GATA4: variants seen among roughly 807,000 people sequenced by gnomAD.
GATA4 encodes the protein GATA binding protein 4.
GATA4 carries 7 observed loss-of-function variants against 37.9 expected under a neutral mutation model. The observed-to-expected ratio is 0.18, with a 90% CI of 0.11 to 0.35. The LOEUF (loss-of-function observed/expected upper bound fraction) is 0.35, where lower values mean the gene tolerates loss of function less well. GATA4 is among the 10% of genes least tolerant of loss of function. The probability of loss-of-function intolerance (pLI) is 1.00; values close to 1 mark genes in which losing one functional copy is unlikely to be tolerated. For synonymous variants in GATA4, 372 were observed against 292.6 expected (o/e 1.27, Z -2.77); for missense variants, 647 against 653.0 (o/e 0.99, Z 0.10).
chr8:11,687,859 C>G (rs1470010759), upstream of GATA4, among the ~76,000 whole-genome samples: 2 of 152,150 alleles, frequency 1.3e-5, no homozygotes, highest in Non-Finnish European at 2.9e-5. Flanking sequence ...TGATCAAGCC[C>G]TGCCCCCGTT....
intron 1 of GATA4, among the ~76,000 whole-genome samples, chr8:11,681,777 T>C (rs1280629708): frequency 1.3e-5 from 2 of 152,166 alleles, no homozygotes; most frequent in Non-Finnish European, 2.9e-5. Context: ...CAGCATTCGT[T>C]CTTCTTTTCT....
At position 11,708,426 on chromosome 8, in the gene GATA4, C is replaced by T; in HGVS notation, c.114C>T (p.Tyr38=). 6.5e-7 allele frequency: 1 copy of T among 1,536,078 alleles called. No individual in the cohort carries two copies. The highest frequency in any genetic ancestry group is 8.7e-7 in the Non-Finnish European group (1 of 1,147,360). Residue 38 remains tyrosine (Y), a synonymous_variant, in exon 2 of 7, where the codon TAC becomes TAT. Coordinates refer to ENST00000532059, the MANE Select transcript of GATA4 (RefSeq NM_001308093.3). This position sits in a 1 kb window ranked among gnomAD's most constrained non-coding sequence, Gnocchi z 6.7. The part of the protein sequence containing the change: ...HGAGAASSPV[Y]VPTPRVPSSV... ...CGGGCGCCGCGTCCTCGCCAGTCTA[C>T]GTGCCCACACCGCGGGTGCCCTCCT...
intron 1 of GATA4, among the ~76,000 whole-genome samples, chr8:11,677,641 G>A (rs1386846113): frequency 1.2e-4 from 19 of 152,202 alleles, no homozygotes; most frequent in Non-Finnish European, 2.2e-4. Flanking sequence ...GGGTCAGAAA[G>A]TCTGTGCTGT....
intron 1 of GATA4, chr8:11,681,145 C>T (rs1266422251): frequency 8.1e-6 from 8 of 985,282 alleles, no homozygotes; most frequent in Non-Finnish European, 9.6e-6. Context: ...CAGGGAATCT[C>T]CAGCTCCGTT....
At chr8:11,724,797 C>G (rs1485754303) in intron 2 of GATA4, among the ~76,000 whole-genome samples, 1 of 152,232 alleles carries the variant, frequency 6.6e-6, no homozygotes, top group Non-Finnish European at 1.5e-5. Flanking sequence ...GATCAGAGGC[C>G]TAACCCAGCC....
At chr8:11,720,148 T>C (rs1158054978) in intron 2 of GATA4, among the ~76,000 whole-genome samples, 1 of 151,636 alleles carries the variant, frequency 6.6e-6, no homozygotes, top group Non-Finnish European at 1.5e-5. Flanking sequence ...CTCTCTCTGC[T>C]TGTGTGGCCA....
At chr8:11,680,565 G>T (rs868595915) in intron 1 of GATA4, 3 of 985,240 alleles carry the variant, frequency 3.0e-6, no homozygotes, top group African/African-American at 1.7e-5. Flanking sequence ...CACGCTGGTG[G>T]GCCAGGAAGC....
chr8:11,687,493 G>T (rs566648926), intron 1 of GATA4, among the ~76,000 whole-genome samples: 1 of 152,184 alleles, frequency 6.6e-6, no homozygotes, highest in South Asian at 2.1e-4. Context: ...TCATCTGTGA[G>T]TTGGGGGCAA....
upstream of GATA4, among the ~76,000 whole-genome samples, chr8:11,703,912 G>A (rs1334370047): frequency 6.6e-6 from 1 of 152,258 alleles, no homozygotes; most frequent in African/African-American, 2.4e-5. Context: ...GAGGGAGAAA[G>A]GGAACTCATT....
intron 5 of GATA4, chr8:11,756,559 T>G (rs1802578364): frequency 2.9e-6 from 1 of 349,780 alleles, no homozygotes; most frequent in East Asian, 7.3e-5. Flanking sequence ...AGTATGATAT[T>G]CACGTGTTTT....
intron 2 of GATA4, among the ~76,000 whole-genome samples, chr8:11,730,510 T>C (rs533921727): frequency 2.0e-5 from 3 of 152,344 alleles, no homozygotes; most frequent in South Asian, 2.1e-4. Flanking sequence ...TGTACTGTTC[T>C]GGTCAGGAGC....
intron 1 of GATA4, among the ~76,000 whole-genome samples, chr8:11,682,373 G>A (rs1798999925): frequency 6.6e-6 from 1 of 152,164 alleles, no homozygotes; most frequent in South Asian, 2.1e-4. Flanking sequence ...TCACAGTAGT[G>A]CTATCATAAT....
Position 11,711,462 on chromosome 8 carries a change from C to T in GATA4, c.616+2534C>T, listed in dbSNP as rs140278539. 1.8e-3 allele frequency among the ~76,000 whole-genome samples: 280 copies of T among 152,230 alleles called. 2 individuals are homozygous for T. Among genetic ancestry groups the T allele is most frequent in the African/African-American group, 6.2e-3 (258 of 41,550 alleles). ...CAGCGTGTTATGCAGGTGGCACTTA[C>T]ATAAAAGCAACTGAAATTAAAAGCA... is the stretch of plus-strand genomic sequence containing the variant. On this transcript the variant is annotated intron_variant, in intron 2 of 6. Coordinates refer to ENST00000532059, the MANE Select transcript of GATA4 (RefSeq NM_001308093.3).
At position 11,753,985 on chromosome 8, in the gene GATA4, A is replaced by G. The variant is rs899232643; in HGVS notation, c.913-1061A>G. 2.6e-5 allele frequency among the ~76,000 whole-genome samples: 4 copies of G among 152,200 alleles called. No homozygotes were observed. In the East Asian group the frequency reaches 7.7e-4, roughly 29 times the overall value. ...GAATGGCTCTGGGGCCTGCCTCCCA[A>G]CAGAACTGTGGTCAAAGTGTTGTCC... On this transcript the variant is annotated intron_variant, in intron 4 of 6. Coordinates refer to ENST00000532059, the MANE Select transcript of GATA4 (RefSeq NM_001308093.3).
At chr8:11,742,950 C>G (rs1388427602) in intron 2 of GATA4, among the ~76,000 whole-genome samples, 1 of 152,230 alleles carries the variant, frequency 6.6e-6, no homozygotes, top group African/African-American at 2.4e-5. Context: ...TGGGCAGGTC[C>G]CTCCCCTCCT....
chr8:11,734,078 G>C (rs1281739025), intron 2 of GATA4, among the ~76,000 whole-genome samples: 6 of 152,144 alleles, frequency 3.9e-5, no homozygotes, highest in Admixed American at 3.9e-4. Context: ...CTATTTGTTT[G>C]TTACAGCATA....
At chr8:11,691,742 G>A (rs1163984033), upstream of GATA4, among the ~76,000 whole-genome samples, 1 of 152,018 alleles carries the variant, frequency 6.6e-6, no homozygotes, top group East Asian at 1.9e-4. Context: ...GATCCTCGAG[G>A]CCTAAGCTTC....
intron 2 of GATA4, among the ~76,000 whole-genome samples, chr8:11,723,071 G>A (rs973052646): frequency 6.6e-6 from 1 of 152,220 alleles, no homozygotes; most frequent in African/African-American, 2.4e-5. Flanking sequence ...CTTCAGCTGA[G>A]TATAGAGGCT....
intron 2 of GATA4, among the ~76,000 whole-genome samples, chr8:11,727,925 G>A (rs1282966451): frequency 1.3e-5 from 2 of 152,198 alleles, no homozygotes; most frequent in African/African-American, 2.4e-5. Flanking sequence ...TAGAGGCTAA[G>A]AAATATTATT....
Sources: gnomAD v4.1 joint callset for allele counts (sites outside exome capture counted in the v4.1 genomes callset) on GRCh38, gnomAD v4.1.1 for gene constraint, Gnocchi (gnomAD v3.1) non-coding constraint, MANE v1.5 for transcripts, NCBI Gene and HGNC (gene_info 2026-07-23, HGNC 2026-07-21) for gene names.